EYS: variants seen among roughly 807,000 people sequenced by gnomAD.
EYS encodes EGF-like photoreceptor maintenance factor.
A neutral mutation model predicts 282.1 loss-of-function variants in EYS; 250 were observed. That is an observed-to-expected ratio of 0.89 (90% confidence interval 0.80 to 0.98). The LOEUF is 0.98. Among genes scored for constraint, EYS ranks in the 50% least tolerant of loss-of-function variants. The pLI, the probability that EYS is intolerant of heterozygous loss-of-function variation, is 0.00. For missense variants in EYS, 4,016 were observed against 3,709.0 expected, an observed-to-expected ratio of 1.08 and a Z score of -2.15; for synonymous variants, 1,355 against 1,282.9, an observed-to-expected ratio of 1.06 and a Z score of -1.20.
At chr6:65,567,589 A>G (rs1764321818) in intron 2 of EYS, among the ~76,000 whole-genome samples, 2 of 151,998 alleles carry the variant, frequency 1.3e-5, no homozygotes, top group Admixed American at 6.6e-5. Flanking sequence ...TCCAGTAAGG[A>G]TTATTTAGGT....
intron 26 of EYS, among the ~76,000 whole-genome samples, chr6:64,560,810 T>G (rs1765369884): frequency 6.6e-6 from 1 of 152,138 alleles, no homozygotes; most frequent in African/African-American, 2.4e-5. Flanking sequence ...TTTGTACTAA[T>G]GAGATAAGTG....
At chr6:64,501,789 T>C (rs1028102150) in intron 26 of EYS, among the ~76,000 whole-genome samples, 9 of 152,250 alleles carry the variant, frequency 5.9e-5, no homozygotes, top group African/African-American at 2.2e-4. Context: ...CTTAACATTA[T>C]CAAAAATGGG....
At chr6:64,942,710 T>G (rs1769129229) in intron 15 of EYS, among the ~76,000 whole-genome samples, 1 of 149,816 alleles carries the variant, frequency 6.7e-6, no homozygotes, top group Non-Finnish European at 1.5e-5. Context: ...TGAAATTGAA[T>G]CAGTAATTTT....
chr6:64,237,542 G>C (rs552129133), intron 30 of EYS, among the ~76,000 whole-genome samples: 1 of 152,136 alleles, frequency 6.6e-6, no homozygotes, highest in South Asian at 2.1e-4. Context: ...TTCACACAGG[G>C]TAACTTAAAA....
At chr6:64,459,051 C>T (rs1043410327) in intron 26 of EYS, among the ~76,000 whole-genome samples, 1 of 152,174 alleles carries the variant, frequency 6.6e-6, no homozygotes, top group Admixed American at 6.5e-5. Context: ...TGTATAAACA[C>T]TGCTCCACTT....
At position 64,170,309 on chromosome 6, in the gene EYS, CT is replaced by C. The variant is rs566484930; in HGVS notation, c.6424+60282del. Among the ~76,000 whole-genome samples the C allele has an allele frequency of 6.8e-4, 103 of 152,282 alleles. No homozygotes were observed. In the South Asian group the frequency reaches 7.5e-3, roughly 11 times the overall value. On this transcript the variant is annotated intron_variant, in intron 31 of 42. Transcript: ENST00000503581. ...AAAACACAATGTATCCCCTAAGCAA[CT>C]TGCTTTTCTTTAGATAAATGTATTT...
intron 2 of EYS, among the ~76,000 whole-genome samples, chr6:65,520,003 TA>T (rs1307688459): frequency 6.8e-6 from 1 of 146,676 alleles, no homozygotes; most frequent in Non-Finnish European, 1.5e-5. Flanking sequence ...CTTTATAGAT[TA>T]ATTTTACTCT....
chr6:64,711,920 T>A (rs1771227167), intron 22 of EYS, among the ~76,000 whole-genome samples: 1 of 152,110 alleles, frequency 6.6e-6, no homozygotes, highest in Non-Finnish European at 1.5e-5. Flanking sequence ...AAGACACCAC[T>A]CAAAGTTGGG....
intron 12 of EYS, among the ~76,000 whole-genome samples, chr6:65,217,603 A>G (rs917937052): frequency 6.6e-6 from 1 of 152,020 alleles, no homozygotes; most frequent in Non-Finnish European, 1.5e-5. Context: ...TAATCACAGA[A>G]GGCATTTTTG....
intron 8 of EYS, 130 bp downstream of exon 8, chr6:65,384,256 T>G (rs1562140499): frequency 1.6e-6 from 1 of 642,710 alleles, no homozygotes; most frequent in Non-Finnish European, 2.8e-6. Context: ...TTTACATAAC[T>G]CACATTTAAA....
intron 12 of EYS, among the ~76,000 whole-genome samples, chr6:65,259,249 T>C (rs1428485844): frequency 6.6e-6 from 1 of 152,020 alleles, no homozygotes; most frequent in Non-Finnish European, 1.5e-5. Flanking sequence ...GCTCCACCCA[T>C]GTCCTCTTCT....
Position 63,995,519 on chromosome 6 carries a change from C to T in EYS, c.6834+3556G>A, listed in dbSNP as rs181388699. On this transcript the variant is annotated intron_variant, in intron 34 of 42. Coordinates refer to ENST00000503581, the MANE Select transcript of EYS (RefSeq NM_001142800.2). ...GTTTCTCAAAAAATTAAAAATAGAA[C>T]TACCATCTGATCTAGCAATACCACT... 1.2e-4 allele frequency among the ~76,000 whole-genome samples: 18 copies of T among 152,076 alleles called. No individual in the cohort carries two copies. The East Asian group carries it at 2.9e-3, about 25-fold the overall frequency.
Position 64,501,434 on chromosome 6 carries a change from ATATG to A in EYS, c.5645-62086_5645-62083del, listed in dbSNP as rs981140052. Among the ~76,000 whole-genome samples the A allele has an allele frequency of 3.9e-5, 6 of 152,108 alleles. 1 individual carries two copies. In the South Asian group the frequency reaches 8.3e-4, roughly 21 times the overall value. ...AGTTCCATATTTTATACTATTTTAAATATGTATGTATGTATATACATACACATAT... is the reference window on the plus strand; with the variant it reads ...AGTTCCATATTTTATACTATTTTAAATATGTATGTATATACATACACATAT... On this transcript the variant is annotated intron_variant, in intron 26 of 42. Coordinates refer to ENST00000503581, the MANE Select transcript of EYS (RefSeq NM_001142800.2).
chr6:65,599,557 C>T (rs938967009), intron 2 of EYS, among the ~76,000 whole-genome samples: 1 of 151,922 alleles, frequency 6.6e-6, no homozygotes, highest in Non-Finnish European at 1.5e-5. Context: ...TTGTTTATAG[C>T]AGGTTTAAAA....
chr6:64,545,738 A>C (rs1201851241), intron 26 of EYS, among the ~76,000 whole-genome samples: 1 of 152,114 alleles, frequency 6.6e-6, no homozygotes, highest in Non-Finnish European at 1.5e-5. Context: ...CAGACACACA[A>C]AGAGCCAAAT....
chr6:63,815,029 A>T (rs760692458), intron 36 of EYS, among the ~76,000 whole-genome samples: 150 of 152,306 alleles, frequency 9.8e-4, no homozygotes, highest in Non-Finnish European at 1.4e-3. Context: ...GTGAATATTT[A>T]GTTCAGAAAT....
At chr6:65,622,044 G>T (rs1280499220) in intron 2 of EYS, among the ~76,000 whole-genome samples, 2 of 152,142 alleles carry the variant, frequency 1.3e-5, no homozygotes, top group African/African-American at 2.4e-5. Context: ...GCACAAGACA[G>T]AGATGTCTAT....
At chr6:65,013,868 T>C (rs1247583526) in intron 13 of EYS, among the ~76,000 whole-genome samples, 2 of 152,062 alleles carry the variant, frequency 1.3e-5, no homozygotes, top group Non-Finnish European at 2.9e-5. Flanking sequence ...CTCTCTTAAG[T>C]AAATAAATCA....
chr6:65,168,283 C>CA (rs1765022746), intron 12 of EYS, among the ~76,000 whole-genome samples: 2 of 151,146 alleles, frequency 1.3e-5, no homozygotes, highest in African/African-American at 2.4e-5. Flanking sequence ...AATCTAATTG[C>CA]AAAAAATAAG....
Sources: gnomAD v4.1 joint callset for allele counts (sites outside exome capture counted in the v4.1 genomes callset) on GRCh38, gnomAD v4.1.1 for gene constraint, MANE v1.5 for transcripts, NCBI Gene and HGNC (gene_info 2026-07-23, HGNC 2026-07-21) for gene names.